GRIK2: variants seen among roughly 807,000 people sequenced by gnomAD.
GRIK2 encodes glutamate receptor ionotropic, kainate 2.
GRIK2 carries 32 observed loss-of-function variants against 100.3 expected under a neutral mutation model. The observed-to-expected ratio is 0.32, with a 90% CI of 0.24 to 0.43. The LOEUF is 0.43. GRIK2 is among the 20% of genes least tolerant of loss of function. The probability of loss-of-function intolerance (pLI) is 1.00; values close to 1 mark genes in which losing one functional copy is unlikely to be tolerated. For synonymous variants in GRIK2, 417 were observed against 389.4 expected (o/e 1.07, Z -0.83); for missense variants, 843 against 1,114.9 (o/e 0.76, Z 3.47).
At chr6:101,937,842 G>A (rs574269811) in intron 14 of GRIK2, among the ~76,000 whole-genome samples, 1 of 152,122 alleles carries the variant, frequency 6.6e-6, no homozygotes, top group South Asian at 2.1e-4. Context: ...TTCTTAGATA[G>A]CCCATTAATT....
chr6:101,616,305 TAAC>T (rs1218805123), intron 2 of GRIK2, among the ~76,000 whole-genome samples: 1 of 151,966 alleles, frequency 6.6e-6, no homozygotes. Flanking sequence ...TTTTTTTAAA[TAAC>T]AAGATTAACA....
At chr6:101,995,107 T>C (rs1477118245) in intron 14 of GRIK2, among the ~76,000 whole-genome samples, 2 of 151,948 alleles carry the variant, frequency 1.3e-5, no homozygotes, top group Non-Finnish European at 1.5e-5. Flanking sequence ...TTTAAGACAC[T>C]ACACTATGTG....
intron 7 of GRIK2, among the ~76,000 whole-genome samples, chr6:101,702,304 G>A (rs1772956905): frequency 6.6e-6 from 1 of 151,882 alleles, no homozygotes; most frequent in Admixed American, 6.6e-5. Flanking sequence ...AACAGAAGAG[G>A]AAATTCAATC....
At chr6:101,597,529 G>T (rs1018484871) in intron 2 of GRIK2, among the ~76,000 whole-genome samples, 1 of 151,648 alleles carries the variant, frequency 6.6e-6, no homozygotes, top group African/African-American at 2.4e-5. Context: ...CAGAATTTAA[G>T]CCCATTGAAA....
chr6:101,725,471 G>A (rs542760125), intron 7 of GRIK2, among the ~76,000 whole-genome samples: 4 of 152,044 alleles, frequency 2.6e-5, no homozygotes, highest in East Asian at 1.9e-4. Flanking sequence ...CTCAGGAAAC[G>A]ATAATTTAAC....
chr6:101,405,086 G>T (rs1017949286), intron 2 of GRIK2, among the ~76,000 whole-genome samples: 2 of 152,168 alleles, frequency 1.3e-5, no homozygotes, highest in Non-Finnish European at 2.9e-5. Context: ...TACCGAACAA[G>T]AATTTTAATG....
intron 2 of GRIK2, among the ~76,000 whole-genome samples, chr6:101,457,968 G>A (rs1189919620): frequency 6.6e-6 from 1 of 151,964 alleles, no homozygotes; most frequent in Non-Finnish European, 1.5e-5. Context: ...TTTAGACTTG[G>A]AAAGTAAATT....
Position 102,067,518 on chromosome 6 carries a change from T to C in GRIK2, c.2563-829T>C, listed in dbSNP as rs570321700. Among the ~76,000 whole-genome samples, 4 of 151,840 alleles carry C rather than the reference T, an allele frequency of 2.6e-5. No individual in the cohort carries two copies. The East Asian group carries it at 7.8e-4, about 29-fold the overall frequency. On this transcript the variant is annotated intron_variant, in intron 16 of 16. Coordinates refer to ENST00000369134, the MANE Select transcript of GRIK2 (RefSeq NM_021956.5). The stretch of plus-strand genomic sequence containing the variant: ...GTTGGGGAGAGACACTAACAAAATT[T>C]TGTTTCATATATATGACTCTACAAT...
chr6:101,768,499 G>A (rs1204644026), intron 7 of GRIK2, among the ~76,000 whole-genome samples: 1 of 152,124 alleles, frequency 6.6e-6, no homozygotes, highest in East Asian at 1.9e-4. Context: ...AAATGTTATG[G>A]ATTCTCTCTC....
chr6:101,829,873 T>C (rs1782566021), intron 10 of GRIK2, among the ~76,000 whole-genome samples: 1 of 151,938 alleles, frequency 6.6e-6, no homozygotes, highest in South Asian at 2.1e-4. Flanking sequence ...GATTCCACAC[T>C]AATCCTGTCA....
At chr6:101,576,182 A>G (rs1777778613) in intron 2 of GRIK2, among the ~76,000 whole-genome samples, 1 of 152,016 alleles carries the variant, frequency 6.6e-6, no homozygotes, top group African/African-American at 2.4e-5. Context: ...ATGCTCAGCT[A>G]CCACTGATAA....
chr6:101,722,114 A>T (rs991125100), intron 7 of GRIK2, among the ~76,000 whole-genome samples: 9 of 152,022 alleles, frequency 5.9e-5, no homozygotes, highest in Non-Finnish European at 1.3e-4. Flanking sequence ...TATAATTGTT[A>T]TTATTCACAA....
intron 16 of GRIK2, among the ~76,000 whole-genome samples, chr6:102,061,744 A>C (rs1262084173): frequency 1.3e-5 from 2 of 150,604 alleles, no homozygotes; most frequent in East Asian, 3.9e-4. Flanking sequence ...AGAATTAATT[A>C]AGATAGTTAA....
At chr6:101,997,748 T>C (rs928971025) in intron 14 of GRIK2, among the ~76,000 whole-genome samples, 2 of 151,896 alleles carry the variant, frequency 1.3e-5, no homozygotes, top group African/African-American at 4.8e-5. Flanking sequence ...TTACATTCTA[T>C]TGATTTTTTT....
chr6:101,441,421 A>G (rs536507295), intron 2 of GRIK2, among the ~76,000 whole-genome samples: 40 of 152,268 alleles, frequency 2.6e-4, no homozygotes, highest in Non-Finnish European at 5.4e-4. Context: ...GAAGATCTCA[A>G]GTTGTTTTTC....
At chr6:101,666,279 A>G (rs990210236) in intron 4 of GRIK2, among the ~76,000 whole-genome samples, 1 of 152,188 alleles carries the variant, frequency 6.6e-6, no homozygotes, top group Admixed American at 6.6e-5. Flanking sequence ...GTTCTTTCCC[A>G]GTGGATTTGT....
intron 2 of GRIK2, among the ~76,000 whole-genome samples, chr6:101,450,839 G>A (rs1770636190): frequency 6.6e-6 from 1 of 151,728 alleles, no homozygotes; most frequent in Non-Finnish European, 1.5e-5. Context: ...TGAGGGAGTA[G>A]AGTAAGAGAT....
intron 2 of GRIK2, 102 bp from the exon 3 acceptor site, chr6:101,621,847 G>C: frequency 1.3e-6 from 1 of 771,704 alleles, no homozygotes; most frequent in South Asian, 1.5e-5. Context: ...AAATGCACTT[G>C]CACATATATA....
At chr6:101,557,644 G>A (rs142017408) in intron 2 of GRIK2, among the ~76,000 whole-genome samples, 1,948 of 152,084 alleles carry the variant, frequency 0.013, 16 homozygotes, top group Non-Finnish European at 0.02. Flanking sequence ...AGCAACATAC[G>A]CACCCCTTAT....
Sources: allele counts gnomAD v4.1 joint callset (sites outside exome capture counted in the v4.1 genomes callset), GRCh38; gene constraint gnomAD v4.1.1; transcripts MANE v1.5; gene names NCBI Gene and HGNC (gene_info 2026-07-23, HGNC 2026-07-21).